The following PDGFRL variants were observed in gnomAD, a reference collection of about 807,000 sequenced individuals.
The protein encoded by PDGFRL is platelet derived growth factor receptor like.
In PDGFRL, 46 loss-of-function variants were observed where a neutral mutation model predicts 37.2. The ratio of observed to expected loss-of-function variants is 1.24; its 90% CI spans 0.98 to 1.58. The LOEUF (loss-of-function observed/expected upper bound fraction) is 1.58. Among genes scored for constraint, PDGFRL ranks in the 40% most tolerant of loss-of-function variants. PDGFRL has a pLI of 0.00. For missense variants in PDGFRL, 692 were observed against 467.6 expected (o/e 1.48, Z -4.43); for synonymous variants, 251 against 184.3 (o/e 1.36, Z -2.93).
chr8:17,642,800 G>A lies in PDGFRL; in HGVS notation c.1127G>A (p.Ter376=), dbSNP rs1179002577. Residue 376 remains the stop codon, a stop_retained_variant, in exon 6 of 6, where the codon TGA becomes TAA. Transcript: ENST00000251630. ...GTAGCTACCACTGTTGAGTTTTCCT[G>A]ACTTGGAAAAGGAAATGTAATGAAC... is the stretch of plus-strand genomic sequence containing the variant. The part of the protein sequence containing the change: ...TTVATTVEFS[*] 4.4e-6 allele frequency: 7 copies of A among 1,590,018 alleles called. No homozygotes were observed. The highest frequency in any genetic ancestry group is 6.0e-6 in the Non-Finnish European group (7 of 1,159,466).
intron 2 of PDGFRL, among the ~76,000 whole-genome samples, chr8:17,591,134 G>A (rs1169674730): frequency 3.9e-5 from 6 of 152,044 alleles, no homozygotes; most frequent in African/African-American, 9.6e-5. Context: ...CGCCTGCCTC[G>A]GCCTCCCAAA....
intron 1 of PDGFRL, among the ~76,000 whole-genome samples, chr8:17,581,577 C>T (rs532524090): frequency 1.3e-5 from 2 of 152,126 alleles, no homozygotes; most frequent in South Asian, 2.1e-4. Context: ...GGGGTAGATC[C>T]TTCATGAAGA....
chr8:17,640,802 G>A (rs1805075632), intron 5 of PDGFRL, among the ~76,000 whole-genome samples: 1 of 152,164 alleles, frequency 6.6e-6, no homozygotes, highest in South Asian at 2.1e-4. Flanking sequence ...GTAGTATAGG[G>A]AGGATCAGGT....
At chr8:17,580,820 C>T (rs1585294582) in intron 1 of PDGFRL, among the ~76,000 whole-genome samples, 1 of 152,124 alleles carries the variant, frequency 6.6e-6, no homozygotes, top group East Asian at 1.9e-4. Flanking sequence ...GAATCCTTCC[C>T]TGCCTCCACT....
At chr8:17,636,667 T>G (rs952751948) in intron 5 of PDGFRL, among the ~76,000 whole-genome samples, 1 of 152,114 alleles carries the variant, frequency 6.6e-6, no homozygotes, top group Non-Finnish European at 1.5e-5. Flanking sequence ...TGGTGGTGTT[T>G]TGGTGGGAAT....
chr8:17,630,114 TCCC>T (rs1804831496), intron 4 of PDGFRL, among the ~76,000 whole-genome samples: 1 of 152,100 alleles, frequency 6.6e-6, no homozygotes, highest in Admixed American at 6.5e-5. Flanking sequence ...TGGCCATGAA[TCCC>T]CCATCTCTCG....
At chr8:17,636,442 G>C (rs1804970794) in intron 5 of PDGFRL, among the ~76,000 whole-genome samples, 1 of 152,184 alleles carries the variant, frequency 6.6e-6, no homozygotes, top group Admixed American at 6.5e-5. Context: ...GTTTATTTCT[G>C]GGTTCTCTAT....
At position 17,622,008 on chromosome 8, in the gene PDGFRL, C is replaced by T. The variant is rs550875274; in HGVS notation, c.505+806C>T. ...TTGTGAATACTATGAGCTGAGATTT[C>T]GGGGGCAAGATTCCCAAAGATTGTG... On this transcript the variant is annotated intron_variant, in intron 3 of 5. Transcript: ENST00000251630. Among the ~76,000 whole-genome samples, 69 of 152,208 alleles carry T rather than the reference C, an allele frequency of 4.5e-4. No individual in the cohort carries two copies. In the South Asian group the frequency reaches 5.6e-3, roughly 12 times the overall value.
rs1478997007 is a variant in PDGFRL, at chr8:17,582,610, A to G, written c.55+5303A>G. 4.0e-5 allele frequency among the ~76,000 whole-genome samples: 6 copies of G among 151,706 alleles called. No individual in the cohort carries two copies. The East Asian group carries it at 9.8e-4, about 25-fold the overall frequency. ...AAAAAAAAAAAAAAAACTTAGGCTC[A>G]AGATCAATTACAGCAGCAAAGGAAT... On this transcript the variant is annotated intron_variant, in intron 1 of 5. Transcript: ENST00000251630.
chr8:17,628,630 C>A lies in PDGFRL; in HGVS notation c.649C>A (p.Pro217Thr). The change falls in exon 4 of 6, where the codon CCA (proline) becomes ACA (threonine). Residue 217 changes from proline (P) to threonine (T), a missense_variant. Pro to Thr is a conservative substitution (Grantham distance 38). Transcript: ENST00000251630. ...CAGGGAATTCCCAGCCAAGGAGATC[C>A]CAGCCAATGGAACGGACATTGTTTA... ...LHREFPAKEI[P>T]ANGTDIVYDM... The A allele has an allele frequency of 6.2e-7, 1 of 1,614,198 alleles. No homozygotes were observed. Among genetic ancestry groups the A allele is most frequent in the Non-Finnish European group, 8.5e-7 (1 of 1,180,040 alleles).
At chr8:17,601,397 T>G (rs1222927777) in intron 2 of PDGFRL, among the ~76,000 whole-genome samples, 1 of 151,914 alleles carries the variant, frequency 6.6e-6, no homozygotes, top group African/African-American at 2.4e-5. Flanking sequence ...GGGAGCAAGC[T>G]CAAAGAACTT....
intron 2 of PDGFRL, among the ~76,000 whole-genome samples, chr8:17,609,543 C>G (rs150058743): frequency 7.2e-6 from 1 of 138,470 alleles, no homozygotes; most frequent in Admixed American, 8.0e-5. Flanking sequence ...GAGGCTAAAG[C>G]AGGAGAATCG....
chr8:17,616,409 G>A lies in PDGFRL; in HGVS notation c.354-4642G>A, dbSNP rs185341513. 1.0e-3 allele frequency among the ~76,000 whole-genome samples: 153 copies of A among 152,110 alleles called. 1 individual carries two copies. The highest frequency in any genetic ancestry group is 9.4e-3 in the Admixed American group (144 of 15,286). Reference sequence around the variant, plus strand: ...GCGGTTTCACCATGTTGGCCAGGATGGTCTCGATCTCTTGACGTCGTGATC... The same window carrying A: ...GCGGTTTCACCATGTTGGCCAGGATAGTCTCGATCTCTTGACGTCGTGATC... On this transcript the variant is annotated intron_variant, in intron 2 of 5. Transcript: ENST00000251630.
At chr8:17,597,561 C>T (rs931325299) in intron 2 of PDGFRL, among the ~76,000 whole-genome samples, 3 of 151,288 alleles carry the variant, frequency 2.0e-5, no homozygotes, top group Non-Finnish European at 2.9e-5. Context: ...TTTTTTTTTC[C>T]CAAAGTGCTG....
intron 2 of PDGFRL, among the ~76,000 whole-genome samples, chr8:17,590,582 C>A (rs1231645054): frequency 6.6e-6 from 1 of 150,384 alleles, no homozygotes; most frequent in Non-Finnish European, 1.5e-5. Context: ...TGGTAGCATG[C>A]ACCTGCAATT....
chr8:17,611,050 C>T (rs1216228792), intron 2 of PDGFRL, among the ~76,000 whole-genome samples: 1 of 152,218 alleles, frequency 6.6e-6, no homozygotes, highest in Non-Finnish European at 1.5e-5. Flanking sequence ...GTATTTAAAA[C>T]AGTCAACTCA....
In PDGFRL at chr8:17,604,027, G is replaced by A. The variant is rs945820215; in HGVS notation, c.353+14262G>A. 3.3e-5 allele frequency among the ~76,000 whole-genome samples: 5 copies of A among 152,172 alleles called. No individual in the cohort carries two copies. The East Asian group carries it at 7.7e-4, about 23-fold the overall frequency. Reference sequence around the variant, plus strand: ...GAGTGGGAAGGAGGTTAGGAGGAGAGATGATGATGGGAGGTGAGGCAGACC... The same window carrying A: ...GAGTGGGAAGGAGGTTAGGAGGAGAAATGATGATGGGAGGTGAGGCAGACC... On this transcript the variant is annotated intron_variant, in intron 2 of 5. Coordinates refer to ENST00000251630, the MANE Select transcript of PDGFRL (RefSeq NM_001372073.1).
At chr8:17,629,679 C>T (rs558263141) in intron 4 of PDGFRL, among the ~76,000 whole-genome samples, 1 of 152,166 alleles carries the variant, frequency 6.6e-6, no homozygotes, top group South Asian at 2.1e-4. Context: ...TTGATATCGA[C>T]TTGGTACCCA....
chr8:17,629,391 A>C (rs185265329), intron 4 of PDGFRL, among the ~76,000 whole-genome samples: 1 of 151,728 alleles, frequency 6.6e-6, no homozygotes, highest in Non-Finnish European at 1.5e-5. Flanking sequence ...CAGGTCTTCT[A>C]TGTCCCCAAA....
Sources: allele counts gnomAD v4.1 joint callset (sites outside exome capture counted in the v4.1 genomes callset), GRCh38; gene constraint gnomAD v4.1.1; transcripts MANE v1.5; gene names NCBI Gene and HGNC (gene_info 2026-07-23, HGNC 2026-07-21).